Variants in NRXN1 observed in about 807,000 individuals in gnomAD.
The protein encoded by NRXN1 is neurexin-1.
A neutral mutation model predicts 150.9 loss-of-function variants in NRXN1; 39 were observed. The ratio of observed to expected loss-of-function variants is 0.26; its 90% confidence interval spans 0.20 to 0.34. The LOEUF (loss-of-function observed/expected upper bound fraction) is 0.34. Ranked by LOEUF, NRXN1 falls within the 10% of genes least tolerant of loss-of-function variation. NRXN1 has a pLI of 1.00. For missense variants in NRXN1, 1,815 were observed against 1,949.9 expected, an observed-to-expected ratio of 0.93 and a Z score of 1.30; for synonymous variants, 924 against 757.0, an observed-to-expected ratio of 1.22 and a Z score of -3.62.
At chr2:51,002,325 A>C (rs75705465) in intron 2 of NRXN1, among the ~76,000 whole-genome samples, 2 of 151,960 alleles carry the variant, frequency 1.3e-5, no homozygotes, top group African/African-American at 4.8e-5. Flanking sequence ...TTTATGACAC[A>C]ACCAGAAGCA....
intron 19 of NRXN1, among the ~76,000 whole-genome samples, chr2:50,071,514 A>G (rs948881535): frequency 1.3e-5 from 2 of 152,218 alleles, no homozygotes; most frequent in African/African-American, 4.8e-5. Context: ...ATGCACAGGC[A>G]TAGAGGAAGG....
chr2:50,401,267 G>T (rs189861808), intron 17 of NRXN1, among the ~76,000 whole-genome samples: 4 of 152,118 alleles, frequency 2.6e-5, no homozygotes, highest in East Asian at 3.9e-4. Context: ...AGATGGGAAG[G>T]CCTGCTAGTA....
intron 18 of NRXN1, among the ~76,000 whole-genome samples, chr2:50,153,583 T>C (rs559433439): frequency 6.6e-6 from 1 of 151,882 alleles, no homozygotes; most frequent in East Asian, 1.9e-4. Context: ...TGAGGTCTTC[T>C]CAAGTTTATT....
At chr2:50,456,657 CTTGACCTT>C (rs2087590644) in intron 17 of NRXN1, among the ~76,000 whole-genome samples, 1 of 151,952 alleles carries the variant, frequency 6.6e-6, no homozygotes, top group Admixed American at 6.6e-5. Context: ...TTATTTTTAT[CTTGACCTT>C]TTTTCTGGAC....
At chr2:50,407,850 C>T (rs537980109) in intron 17 of NRXN1, among the ~76,000 whole-genome samples, 18 of 152,076 alleles carry the variant, frequency 1.2e-4, no homozygotes, top group Non-Finnish European at 1.8e-4. Flanking sequence ...TACCCAGTTT[C>T]AAGTATTCTG....
chr2:50,020,638 C>A (rs1687424537), intron 21 of NRXN1, among the ~76,000 whole-genome samples: 1 of 152,180 alleles, frequency 6.6e-6, no homozygotes, highest in Non-Finnish European at 1.5e-5. Flanking sequence ...TGTTTCACTT[C>A]TCAGGAGCAG....
chr2:50,053,284 T>C lies in NRXN1; in HGVS notation c.4115A>G (p.Glu1372Gly). The change falls in exon 21 of 23, where the codon GAA (glutamate) becomes GGA (glycine). Residue 1372 changes from glutamate to glycine, a missense_variant. Physicochemically the swap from Glu to Gly is moderately conservative, Grantham distance 98. Coordinates refer to ENST00000401669, the MANE Select transcript of NRXN1 (RefSeq NM_001330078.2). ...CCACAGGCTCACCTGGCTAATGGGT[T>C]CTTTTGTCGGGGGCTTTCCTCTTCT... ...TARRGKPPTK[E>G]PISQTTDDIL... 1 of 1,613,942 alleles carries C rather than the reference T, an allele frequency of 6.2e-7. No homozygotes were observed. Among genetic ancestry groups the C allele is most frequent in the South Asian group, 1.1e-5 (1 of 91,078 alleles).
chr2:50,667,033 A>G (rs1688153513), intron 5 of NRXN1, among the ~76,000 whole-genome samples: 1 of 151,974 alleles, frequency 6.6e-6, no homozygotes, highest in African/African-American at 2.4e-5. Context: ...GCTTTACTTG[A>G]ATGAAATTTG....
intron 17 of NRXN1, among the ~76,000 whole-genome samples, chr2:50,371,002 T>C (rs1477874302): frequency 6.6e-6 from 1 of 151,992 alleles, no homozygotes; most frequent in African/African-American, 2.4e-5. Flanking sequence ...TTTTTCCTCC[T>C]CAAATTCAAT....
At chr2:49,972,892 T>C (rs1272155175) in intron 21 of NRXN1, 1 of 152,356 alleles carries the variant, frequency 6.6e-6, no homozygotes, top group East Asian at 1.9e-4. Flanking sequence ...TTTTCTGATA[T>C]GCAATCCCTT....
chr2:50,009,953 T>A (rs1166472159), intron 21 of NRXN1, among the ~76,000 whole-genome samples: 1 of 152,148 alleles, frequency 6.6e-6, no homozygotes, highest in Non-Finnish European at 1.5e-5. Flanking sequence ...AATCTAGGTT[T>A]GTGGGCCATT....
chr2:50,647,943 T>C (rs1296189339), intron 5 of NRXN1, among the ~76,000 whole-genome samples: 1 of 151,940 alleles, frequency 6.6e-6, no homozygotes, highest in Non-Finnish European at 1.5e-5. Context: ...TATACATATA[T>C]ACACACATAC....
At chr2:50,980,430 G>C (rs1230928619) in intron 2 of NRXN1, among the ~76,000 whole-genome samples, 1 of 152,078 alleles carries the variant, frequency 6.6e-6, no homozygotes, top group Non-Finnish European at 1.5e-5. Flanking sequence ...TATTTTGACA[G>C]CTTTTGGCTT....
chr2:49,989,337 G>C (rs1018740571), intron 21 of NRXN1, among the ~76,000 whole-genome samples: 1 of 152,152 alleles, frequency 6.6e-6, no homozygotes, highest in African/African-American at 2.4e-5. Flanking sequence ...CATGTATTGG[G>C]TCTACTAAGT....
At chr2:50,410,107 C>T (rs1439280978) in intron 17 of NRXN1, among the ~76,000 whole-genome samples, 1 of 152,100 alleles carries the variant, frequency 6.6e-6, no homozygotes, top group African/African-American at 2.4e-5. Flanking sequence ...CTCCTGCTCC[C>T]CTACATACAA....
At chr2:50,688,132 A>G (rs577230923) in intron 5 of NRXN1, among the ~76,000 whole-genome samples, 1 of 152,276 alleles carries the variant, frequency 6.6e-6, no homozygotes, top group East Asian at 1.9e-4. Flanking sequence ...TGTTTTTCCC[A>G]TGTATTAATC....
chr2:50,578,820 A>C (rs987684414), intron 8 of NRXN1, among the ~76,000 whole-genome samples: 7 of 152,186 alleles, frequency 4.6e-5, no homozygotes, highest in African/African-American at 1.7e-4. Context: ...GGCATGAGAT[A>C]TAAATCATTC....
rs117150616 is a variant in NRXN1 at position 50,068,752 on chromosome 2, G to A, written c.3719-13708C>T. 5.3e-5 allele frequency among the ~76,000 whole-genome samples: 8 copies of A among 152,288 alleles called. No individual in the cohort carries two copies. The East Asian group carries it at 1.5e-3, about 29-fold the overall frequency. On this transcript the variant is annotated intron_variant, in intron 19 of 22. Coordinates refer to ENST00000401669, the MANE Select transcript of NRXN1 (RefSeq NM_001330078.2). ...TGCCTTACACAATATATCTAAGAAT[G>A]TGTACATCACAAAAAATATTTTTTT...
intron 21 of NRXN1, among the ~76,000 whole-genome samples, chr2:49,968,139 A>G (rs1010742796): frequency 2.5e-4 from 17 of 67,962 alleles, no homozygotes; most frequent in African/African-American, 6.7e-4. Context: ...CCATCCCACC[A>G]AAAAAAAAAA....
Sources: gnomAD v4.1 joint callset for allele counts (sites outside exome capture counted in the v4.1 genomes callset) on GRCh38, gnomAD v4.1.1 for gene constraint, MANE v1.5 for transcripts, NCBI Gene and HGNC (gene_info 2026-07-23, HGNC 2026-07-21) for gene names.